The following SHFL variants were observed in gnomAD, a reference collection of about 807,000 sequenced individuals.
SHFL encodes shiftless antiviral inhibitor of ribosomal frameshifting, also known as shiftless antiviral inhibitor of ribosomal frameshifting protein.
Under a neutral mutation model 34.7 loss-of-function variants are expected in SHFL, and 12 were observed. That is an observed-to-expected ratio of 0.35 (90% CI 0.22 to 0.56). SHFL has a LOEUF of 0.56. SHFL is among the 20% of genes least tolerant of loss of function. The probability of loss-of-function intolerance (pLI) is 0.88; values close to 1 mark genes in which losing one functional copy is unlikely to be tolerated. For synonymous variants in SHFL, 148 were observed against 156.0 expected (o/e 0.95, Z 0.38); for missense variants, 278 against 411.1 (o/e 0.68, Z 2.80).
At chr19:10,087,522 T>C in intron 3 of SHFL, 1 of 590,100 alleles carries the variant, frequency 1.7e-6, no homozygotes, top group East Asian at 2.9e-5. Context: ...TTGTATTCAA[T>C]GGGGGAGAGA....
intron 3 of SHFL, 80 bp from the exon 4 acceptor site, chr19:10,089,577 G>A (rs762641966): frequency 9.8e-6 from 15 of 1,536,978 alleles, no homozygotes; most frequent in Non-Finnish European, 1.3e-5. Flanking sequence ...ACTCATTGCG[G>A]CCGGGGGCCT....
In SHFL at chr19:10,092,152, C is replaced by T. The variant is rs1481346517; in HGVS notation, c.726C>T (p.Asn242=). ...TGCCCAAAGTGCTCCACCCCAGCAA[C>T]CCTCACATTAGCAGTGGCTCCACTG... is the stretch of plus-strand genomic sequence containing the variant. ...NHLPKVLHPS[N]PHISSGSTVA... Residue 242 remains asparagine, a synonymous_variant, in exon 8 of 8, where the codon AAC becomes AAT. Coordinates refer to ENST00000253110, the MANE Select transcript of SHFL (RefSeq NM_018381.4). 6.2e-7 allele frequency: 1 copy of T among 1,613,876 alleles called. No individual in the cohort carries two copies. Among genetic ancestry groups the T allele is most frequent in the Non-Finnish European group, 8.5e-7 (1 of 1,179,818 alleles).
At chr19:10,087,559 C>G in intron 3 of SHFL, 1 of 558,790 alleles carries the variant, frequency 1.8e-6, no homozygotes, top group Non-Finnish European at 3.2e-6. Flanking sequence ...ATGAAAGGAG[C>G]CAGGATTATT....
chr19:10,089,994 GC>G lies in SHFL; in HGVS notation c.333del (p.Cys112AlafsTer144), dbSNP rs1428579137. 1 of 1,608,892 alleles carries G rather than the reference GC, an allele frequency of 6.2e-7. No homozygotes were observed. The highest frequency in any genetic ancestry group is 2.2e-5 in the East Asian group (1 of 44,746). On this transcript the variant is annotated frameshift_variant, in exon 5 of 8. Transcript: ENST00000253110. LOFTEE classifies it high-confidence loss of function. ...DLIPAVDRQFACSSCDHVWWR... is the reference protein window; with the variant it reads ...DLIPAVDRQFXCSSCDHVWWR... The stretch of plus-strand genomic sequence containing the variant: ...TATCCCTGCTGTGGACCGGCAGTTT[GC>G]CTGCTCCTCCTGCGACCACGTCTGG...
At position 10,089,649 on chromosome 19, in the gene SHFL, C is replaced by T. The variant is rs1459543004; in HGVS notation, c.196-8C>T. ...TCCCCAGTTTCTGCCCCTGCTATCT[C>T]CACCCAGGATCCACCAGAAGATATG... is the stretch of plus-strand genomic sequence containing the variant. On this transcript the variant is annotated splice_region_variant and splice_polypyrimidine_tract_variant and intron_variant, in intron 3 of 7. Coordinates refer to ENST00000253110, the MANE Select transcript of SHFL (RefSeq NM_018381.4). 6.3e-7 allele frequency: 1 copy of T among 1,590,872 alleles called. No homozygotes were observed. Among genetic ancestry groups the T allele is most frequent in the Non-Finnish European group, 8.6e-7 (1 of 1,168,070 alleles).
At position 10,086,588 on chromosome 19, in the gene SHFL, C is replaced by G; in HGVS notation, c.21+140C>G. The G allele has an allele frequency of 3.4e-6, 3 of 876,214 alleles. No individual in the cohort carries two copies. The highest frequency in any genetic ancestry group is 3.2e-6 in the Non-Finnish European group (2 of 630,562). 54.3% of individuals were successfully genotyped at this position (876,214 alleles called of 1,614,324 possible). On this transcript the variant is annotated intron_variant, in intron 1 of 7. Transcript: ENST00000253110. This position sits in a 1 kb window ranked among gnomAD's most constrained non-coding sequence, Gnocchi z 5.2. ...CCTTACCCCTGCCTGGCGCTCGCCC[C>G]CCTTGAAAAGGAAAGTGACTCCCAC...
Position 10,091,651 on chromosome 19 carries a change from C to A in SHFL, c.643+21C>A, listed in dbSNP as rs890034594. 7.8e-6 allele frequency: 12 copies of A among 1,534,124 alleles called. No individual in the cohort carries two copies. The highest frequency in any genetic ancestry group is 1.2e-5 in the South Asian group (1 of 82,250). Reference sequence around the variant, plus strand: ...GCGAGGTGAGGCTCTTCTCCCCCAACAGCCTGGACAGTCTTTGTCCCCTTC... The same window carrying A: ...GCGAGGTGAGGCTCTTCTCCCCCAAAAGCCTGGACAGTCTTTGTCCCCTTC... On this transcript the variant is annotated intron_variant, in intron 7 of 7. Coordinates refer to ENST00000253110, the MANE Select transcript of SHFL (RefSeq NM_018381.4). This position sits in a 1 kb window ranked among gnomAD's most constrained non-coding sequence, Gnocchi z 8.2.
intron 5 of SHFL, 151 bp downstream of exon 5, chr19:10,090,198 T>C (rs1279388591): frequency 1.2e-6 from 1 of 858,958 alleles, no homozygotes; most frequent in Non-Finnish European, 1.8e-6. Flanking sequence ...TGATCTCTGA[T>C]CCCAACCCCT....
In SHFL at chr19:10,086,820, A is replaced by C. The variant is rs2088294969; in HGVS notation, c.22-109A>C. 3 of 1,234,320 alleles carry C rather than the reference A, an allele frequency of 2.4e-6. No homozygotes were observed. Among genetic ancestry groups the C allele is most frequent in the Non-Finnish European group, 3.4e-6 (3 of 895,078 alleles). The allele number at this position is 1,234,320 out of a possible 1,614,324, so 76.5% of individuals were successfully genotyped here. On this transcript the variant is annotated intron_variant, in intron 1 of 7. Coordinates refer to ENST00000253110, the MANE Select transcript of SHFL (RefSeq NM_018381.4). The surrounding 1 kb of genome is among the most constrained non-coding windows in gnomAD (Gnocchi z 5.2). ...ATGAAAGGCGGGGGGGGGGCGGCGG[A>C]GGCCAAAACCAAGGGTCAAGTTCGG...
Position 10,086,941 on chromosome 19 carries a change from G to A in SHFL, c.34G>A (p.Val12Ile), listed in dbSNP as rs1391483244. ...SQEGVELEKSVRRLREKFHGK... is the reference protein window; with the variant it reads ...SQEGVELEKSIRRLREKFHGK... Reference sequence around the variant, plus strand: ...GTCTCCATCCCAGCTGGAGAAGAGCGTCCGGCGCCTCCGGGAGAAGTTTCA... The same window carrying A: ...GTCTCCATCCCAGCTGGAGAAGAGCATCCGGCGCCTCCGGGAGAAGTTTCA... Residue 12 changes from valine to isoleucine, a missense_variant, in exon 2 of 8, where the codon GTC becomes ATC. Physicochemically the swap from Val to Ile is conservative, Grantham distance 29. Transcript: ENST00000253110. This position sits in a 1 kb window ranked among gnomAD's most constrained non-coding sequence, Gnocchi z 5.2. 1 of 1,613,822 alleles carries A rather than the reference G, an allele frequency of 6.2e-7. No homozygotes were observed. The highest frequency in any genetic ancestry group is 8.5e-7 in the Non-Finnish European group (1 of 1,179,834).
chr19:10,087,609 T>G, intron 3 of SHFL: 4 of 374,418 alleles, frequency 1.1e-5, no homozygotes, highest in East Asian at 5.8e-5. Context: ...GAAGGCTTAC[T>G]GGAGGAGGAG....
At chr19:10,088,066 G>C (rs1312809623) in intron 3 of SHFL, 1 of 147,694 alleles carries the variant, frequency 6.8e-6, no homozygotes, top group African/African-American at 2.5e-5. Context: ...TTTGAGACCA[G>C]CCTGACCAAC....
rs2088291019 is a variant in SHFL at position 10,086,732 on chromosome 19, G to T, written c.22-197G>T. On this transcript the variant is annotated intron_variant, in intron 1 of 7. Transcript: ENST00000253110. This position sits in a 1 kb window ranked among gnomAD's most constrained non-coding sequence, Gnocchi z 5.2. ...ACCTTAGGCTGGGACGCTCGCCCCA[G>T]TCCGCGCCTTCCCCCAACGCCCTGT... 2 of 688,806 alleles carry T rather than the reference G, an allele frequency of 2.9e-6. No individual in the cohort carries two copies. The highest frequency in any genetic ancestry group is 1.8e-5 in the African/African-American group (1 of 55,196). 42.7% of individuals were successfully genotyped at this position (688,806 alleles called of 1,614,324 possible).
Position 10,091,258 on chromosome 19 carries a change from G to T in SHFL, c.393G>T (p.Arg131=), listed in dbSNP as rs775468281. 5.0e-4 allele frequency: 812 copies of T among 1,613,736 alleles called. 5 individuals carry two copies. The highest frequency in any genetic ancestry group is 5.2e-5 in the Non-Finnish European group (61 of 1,179,782). Residue 131 remains arginine (R), a synonymous_variant, in exon 6 of 8, where the codon CGG becomes CGT. Coordinates refer to ENST00000253110, the MANE Select transcript of SHFL (RefSeq NM_018381.4). The surrounding 1 kb of genome is among the most constrained non-coding windows in gnomAD (Gnocchi z 8.2). ...CTGCCCACCACCACCAGGTATCCCG[G>T]TGCCGGAAATGCCGGAAGCGCTACG... ...RRVPQRKEVS[R]CRKCRKRYEP... is the part of the protein sequence containing the mutation.
In SHFL at chr19:10,092,747, A is replaced by G. The variant is rs765446156; in HGVS notation, c.*445A>G. 2.2e-5 allele frequency: 36 copies of G among 1,609,548 alleles called. 1 individual carries two copies. The South Asian group carries it at 4.0e-4, about 18-fold the overall frequency. The stretch of plus-strand genomic sequence containing the variant: ...TTGGAGTGGGCACAGGCATGGTACC[A>G]CCAGCCTCCCCGCTGGTACAGGGCA... On this transcript the variant is annotated 3_prime_UTR_variant, in exon 8 of 8. Transcript: ENST00000253110.
At chr19:10,087,136 A>T in intron 2 of SHFL, 84 bp downstream of exon 2, 1 of 1,587,200 alleles carries the variant, frequency 6.3e-7, no homozygotes, top group Non-Finnish European at 8.6e-7. Context: ...AGGCGTTGAG[A>T]TCACCTCCCC....
chr19:10,086,371 G>T lies in SHFL; in HGVS notation c.-57G>T. 2 of 1,266,284 alleles carry T rather than the reference G, an allele frequency of 1.6e-6. No individual in the cohort carries two copies. Among genetic ancestry groups the T allele is most frequent in the Non-Finnish European group, 2.0e-6 (2 of 998,116 alleles). 78.4% of individuals were successfully genotyped at this position (1,266,284 alleles called of 1,614,324 possible). On this transcript the variant is annotated 5_prime_UTR_variant, in exon 1 of 8. It adds an upstream start codon to the 5' untranslated region. Coordinates refer to ENST00000253110, the MANE Select transcript of SHFL (RefSeq NM_018381.4). The surrounding 1 kb of genome is among the most constrained non-coding windows in gnomAD (Gnocchi z 5.2). ...CTGGACCGACGGGCGCACCCAGGTAGGGGGGCGGCTGAGCCGCGCAGTGCG... is the reference window on the plus strand; with the variant it reads ...CTGGACCGACGGGCGCACCCAGGTATGGGGGCGGCTGAGCCGCGCAGTGCG...
chr19:10,091,469 C>T lies in SHFL; in HGVS notation c.489-7C>T. 6.5e-7 allele frequency: 1 copy of T among 1,537,308 alleles called. No homozygotes were observed. Among genetic ancestry groups the T allele is most frequent in the Non-Finnish European group, 8.8e-7 (1 of 1,137,158 alleles). On this transcript the variant is annotated splice_region_variant and splice_polypyrimidine_tract_variant and intron_variant, in intron 6 of 7. Transcript: ENST00000253110. The surrounding 1 kb of genome is among the most constrained non-coding windows in gnomAD (Gnocchi z 8.2). ...CCTCGGACCCTCACAGCCCTGCCCG[C>T]CCCCAGGGGCTGGGCACAGATGGGG...
At chr19:10,089,419 T>C (rs2088343882) in intron 3 of SHFL, 8 of 1,588,304 alleles carry the variant, frequency 5.0e-6, no homozygotes, top group Non-Finnish European at 6.8e-6. Context: ...AGGCAAGCCC[T>C]CCCCTAAGCC....
Sources: gnomAD v4.1 joint callset for allele counts on GRCh38, gnomAD v4.1.1 for gene constraint, Gnocchi (gnomAD v3.1) non-coding constraint, MANE v1.5 for transcripts, NCBI Gene and HGNC (gene_info 2026-07-23, HGNC 2026-07-21) for gene names.